AGBL1: variants seen among roughly 807,000 people sequenced by gnomAD.
The protein encoded by AGBL1 is cytosolic carboxypeptidase 4.
Under a neutral mutation model 118.9 loss-of-function variants are expected in AGBL1, and 130 were observed. The ratio of observed to expected loss-of-function variants is 1.09; its 90% CI spans 0.95 to 1.26. The LOEUF (loss-of-function observed/expected upper bound fraction) is 1.26. Among genes scored for constraint, AGBL1 ranks in the 50% most tolerant of loss-of-function variants. The pLI is 0.00. For missense variants in AGBL1, 1,584 were observed against 1,298.1 expected (o/e 1.22, Z -3.38); for synonymous variants, 555 against 478.9 (o/e 1.16, Z -2.08).
At chr15:86,215,264 T>TGTGTGTGA (rs1444877454) in intron 5 of AGBL1, among the ~76,000 whole-genome samples, 7 of 149,904 alleles carry the variant, frequency 4.7e-5, no homozygotes, top group Non-Finnish European at 1.0e-4. Flanking sequence ...TGTGTGTGTG[T>TGTGTGTGA]GATTTTATGC....
chr15:86,250,292 A>C (rs2078790432), intron 7 of AGBL1, among the ~76,000 whole-genome samples: 1 of 152,010 alleles, frequency 6.6e-6, no homozygotes, highest in African/African-American at 2.4e-5. Flanking sequence ...TGGGTGGCTG[A>C]GGCAGGCGGA....
At chr15:86,523,140 G>T (rs1436892360) in intron 19 of AGBL1, among the ~76,000 whole-genome samples, 3 of 152,234 alleles carry the variant, frequency 2.0e-5, no homozygotes, top group African/African-American at 7.2e-5. Flanking sequence ...TAATGCCAGA[G>T]AAACTTATCT....
chr15:86,802,261 C>T (rs1245197736), intron 22 of AGBL1, among the ~76,000 whole-genome samples: 2 of 145,966 alleles, frequency 1.4e-5, no homozygotes, highest in East Asian at 2.0e-4. Flanking sequence ...GAGCCAGATG[C>T]TTTCTAATGA....
intron 17 of AGBL1, among the ~76,000 whole-genome samples, chr15:86,389,409 A>G (rs2081245168): frequency 6.6e-6 from 1 of 152,194 alleles, no homozygotes; most frequent in Non-Finnish European, 1.5e-5. Flanking sequence ...GGGTGATACG[A>G]TTTTATGCCC....
chr15:86,374,700 G>T (rs1482431700), intron 17 of AGBL1, among the ~76,000 whole-genome samples: 1 of 152,198 alleles, frequency 6.6e-6, no homozygotes, highest in African/African-American at 2.4e-5. Flanking sequence ...TTTAGCTCCT[G>T]ATTTGCTCCA....
chr15:86,123,095 T>C (rs1898188113), intron 1 of AGBL1, among the ~76,000 whole-genome samples: 2 of 152,218 alleles, frequency 1.3e-5, no homozygotes, highest in Non-Finnish European at 2.9e-5. Flanking sequence ...GAATCTCTAT[T>C]CCTTTCTAGA....
chr15:86,293,245 C>CT (rs911567736), intron 16 of AGBL1, among the ~76,000 whole-genome samples: 7 of 152,192 alleles, frequency 4.6e-5, no homozygotes, highest in South Asian at 2.1e-4. Context: ...GGAACAGGTA[C>CT]TTTTTTTAAA....
chr15:86,819,889 C>T (rs2078915382), intron 22 of AGBL1, among the ~76,000 whole-genome samples: 1 of 152,112 alleles, frequency 6.6e-6, no homozygotes, highest in Non-Finnish European at 1.5e-5. Context: ...TGACTTCAAA[C>T]TATACTACAA....
chr15:86,413,191 G>A (rs2081645693), intron 18 of AGBL1, among the ~76,000 whole-genome samples: 1 of 152,112 alleles, frequency 6.6e-6, no homozygotes, highest in South Asian at 2.1e-4. Flanking sequence ...AAAAATAAAA[G>A]ATGCTCAGTA....
intron 17 of AGBL1, among the ~76,000 whole-genome samples, chr15:86,327,993 G>T (rs1461709806): frequency 1.3e-5 from 2 of 152,164 alleles, no homozygotes; most frequent in Non-Finnish European, 2.9e-5. Flanking sequence ...ACCTATATGA[G>T]CAAGCTTTGT....
At chr15:86,267,662 G>A (rs146273347) in intron 13 of AGBL1, among the ~76,000 whole-genome samples, 344 of 152,270 alleles carry the variant, frequency 2.3e-3, no homozygotes, top group Non-Finnish European at 4.1e-3. Context: ...AAAGCCTAGG[G>A]CTGTACAAAC....
chr15:86,595,202 C>T (rs150267073), intron 21 of AGBL1, among the ~76,000 whole-genome samples: 2 of 152,164 alleles, frequency 1.3e-5, no homozygotes, highest in Non-Finnish European at 2.9e-5. Context: ...CAACCAGTCT[C>T]ATAACTTAAA....
intron 13 of AGBL1, among the ~76,000 whole-genome samples, chr15:86,269,688 C>T (rs189772936): frequency 8.5e-5 from 13 of 152,154 alleles, no homozygotes; most frequent in African/African-American, 1.4e-4. Context: ...TAAAAATATG[C>T]GCTATTGTGT....
chr15:86,323,461 C>T (rs2080136318), intron 17 of AGBL1, among the ~76,000 whole-genome samples: 1 of 151,822 alleles, frequency 6.6e-6, no homozygotes, highest in Non-Finnish European at 1.5e-5. Flanking sequence ...GCTGTGTAAG[C>T]CTCAGTATTG....
intron 22 of AGBL1, among the ~76,000 whole-genome samples, chr15:86,727,286 C>T (rs1414048096): frequency 1.3e-5 from 2 of 152,182 alleles, no homozygotes; most frequent in African/African-American, 2.4e-5. Context: ...TAGGGAGACT[C>T]TCTTGGCCAG....
chr15:86,351,615 A>G (rs1030578629), intron 17 of AGBL1, among the ~76,000 whole-genome samples: 53 of 152,206 alleles, frequency 3.5e-4, no homozygotes, highest in African/African-American at 1.3e-3. Context: ...AGCTTTCATT[A>G]CTTAGGTAAT....
intron 15 of AGBL1, among the ~76,000 whole-genome samples, chr15:86,278,568 C>A (rs915152630): frequency 2.0e-5 from 3 of 152,146 alleles, no homozygotes; most frequent in African/African-American, 7.2e-5. Context: ...AAAAGAATAA[C>A]CCATGTTTGT....
At chr15:86,950,523 A>G (rs1310097755) in intron 23 of AGBL1, among the ~76,000 whole-genome samples, 1 of 150,704 alleles carries the variant, frequency 6.6e-6, no homozygotes, top group East Asian at 1.9e-4. Flanking sequence ...AAAAAAATAT[A>G]TATATGTATA....
chr15:87,004,061 G>A (rs960663237), intron 24 of AGBL1, among the ~76,000 whole-genome samples: 1 of 152,082 alleles, frequency 6.6e-6, no homozygotes, highest in Admixed American at 6.6e-5. Context: ...TGATGTTAGG[G>A]TATCAATTTT....
Sources: gnomAD v4.1 joint callset for allele counts (sites outside exome capture counted in the v4.1 genomes callset) on GRCh38, gnomAD v4.1.1 for gene constraint, MANE v1.5 for transcripts, NCBI Gene and HGNC (gene_info 2026-07-23, HGNC 2026-07-21) for gene names.